IPO11: variants seen among roughly 807,000 people sequenced by gnomAD.
IPO11 encodes the protein importin-11.
In IPO11, 66 loss-of-function variants were observed where a neutral mutation model predicts 143.2. The ratio of observed to expected loss-of-function variants is 0.46; its 90% CI spans 0.38 to 0.57. The LOEUF is 0.57. Among genes scored for constraint, IPO11 ranks in the 20% least tolerant of loss-of-function variants. The probability of loss-of-function intolerance (pLI) is 0.00; values close to 1 mark genes in which losing one functional copy is unlikely to be tolerated. For synonymous variants in IPO11, 385 were observed against 377.8 expected (o/e 1.02, Z -0.22); for missense variants, 1,026 against 1,141.0 (o/e 0.90, Z 1.45).
chr5:62,505,685 C>CA (rs1741531074), intron 18 of IPO11, among the ~76,000 whole-genome samples: 1 of 151,920 alleles, frequency 6.6e-6, no homozygotes, highest in South Asian at 2.1e-4. Context: ...GAGTTCACAG[C>CA]CAGACATAGG....
intron 29 of IPO11, among the ~76,000 whole-genome samples, chr5:62,606,693 C>T (rs1337256778): frequency 2.0e-5 from 3 of 151,968 alleles, no homozygotes; most frequent in Non-Finnish European, 4.4e-5. Flanking sequence ...AAAAATTAGC[C>T]GGGCGTGGTG....
At chr5:62,420,901 T>C (rs1267473910) in intron 1 of IPO11, among the ~76,000 whole-genome samples, 1 of 152,202 alleles carries the variant, frequency 6.6e-6, no homozygotes, top group Non-Finnish European at 1.5e-5. Context: ...CCTCTGTGTG[T>C]CCTGGTCATA....
chr5:62,529,422 TTGG>T (rs1471268564), intron 21 of IPO11, among the ~76,000 whole-genome samples: 3 of 152,150 alleles, frequency 2.0e-5, no homozygotes, highest in South Asian at 2.1e-4. Flanking sequence ...TAAACTTTAC[TTGG>T]TGGGGAATTC....
At chr5:62,416,110 G>T (rs1234490256) in intron 1 of IPO11, among the ~76,000 whole-genome samples, 1 of 151,626 alleles carries the variant, frequency 6.6e-6, no homozygotes, top group African/African-American at 2.4e-5. Context: ...CCTTCTTGCT[G>T]CCTTTTCTCG....
chr5:62,585,625 T>C (rs549662889), intron 27 of IPO11, among the ~76,000 whole-genome samples: 105 of 152,274 alleles, frequency 6.9e-4, no homozygotes, highest in South Asian at 1.7e-3. Context: ...GTATAAACTT[T>C]TGCTTTAAAG....
intron 21 of IPO11, among the ~76,000 whole-genome samples, chr5:62,529,610 T>C (rs903583559): frequency 3.3e-5 from 5 of 152,232 alleles, no homozygotes; most frequent in African/African-American, 9.6e-5. Flanking sequence ...TTTTGTGATA[T>C]ATAACAATCT....
chr5:62,611,629 A>T (rs903148605), intron 29 of IPO11, among the ~76,000 whole-genome samples: 2 of 152,164 alleles, frequency 1.3e-5, no homozygotes, highest in African/African-American at 4.8e-5. Flanking sequence ...TGTTACTAAA[A>T]ACCTTAATTG....
At chr5:62,450,987 T>C (rs1379550446) in intron 4 of IPO11, among the ~76,000 whole-genome samples, 1 of 152,206 alleles carries the variant, frequency 6.6e-6, no homozygotes, top group Admixed American at 6.5e-5. Context: ...ACAAAGGAGC[T>C]GAAGCATAAT....
chr5:62,575,585 C>T (rs1744287825), intron 27 of IPO11, among the ~76,000 whole-genome samples: 1 of 152,120 alleles, frequency 6.6e-6, no homozygotes, highest in African/African-American at 2.4e-5. Flanking sequence ...CCCACCTCCC[C>T]CAGCAGAATA....
chr5:62,490,697 A>C (rs1290055485), intron 15 of IPO11, among the ~76,000 whole-genome samples: 1 of 152,212 alleles, frequency 6.6e-6, no homozygotes, highest in Non-Finnish European at 1.5e-5. Context: ...ACAGATTCAT[A>C]TTACATTTAG....
chr5:62,569,554 C>T (rs1232026607), intron 27 of IPO11, among the ~76,000 whole-genome samples: 5 of 152,140 alleles, frequency 3.3e-5, no homozygotes, highest in African/African-American at 1.2e-4. Flanking sequence ...GATTTCTAAC[C>T]TAGTTTCCAT....
chr5:62,430,137 A>G (rs247245), intron 1 of IPO11, among the ~76,000 whole-genome samples: 43,674 of 152,140 alleles, frequency 0.29, 6,993 homozygotes, highest in East Asian at 0.46. Context: ...ATAATGTTGC[A>G]GTGAATATCT....
intron 1 of IPO11, among the ~76,000 whole-genome samples, chr5:62,415,591 C>G (rs1743265227): frequency 6.6e-6 from 1 of 151,730 alleles, no homozygotes; most frequent in Non-Finnish European, 1.5e-5. Context: ...GCCTCAGCCT[C>G]CTGAGTAGCT....
intron 25 of IPO11, 67 bp downstream of exon 25, chr5:62,550,529 TAGATACA>T: frequency 1.9e-6 from 2 of 1,041,692 alleles, no homozygotes; most frequent in Non-Finnish European, 2.8e-6. Context: ...ATTACTCTGT[TAGATACA>T]GAAGGAAAGC....
intron 26 of IPO11, among the ~76,000 whole-genome samples, chr5:62,556,787 A>G (rs59024709): frequency 6.6e-6 from 1 of 152,012 alleles, no homozygotes; most frequent in Non-Finnish European, 1.5e-5. Context: ...ATTACTTCTC[A>G]TTGTCCTTTA....
intron 20 of IPO11, among the ~76,000 whole-genome samples, chr5:62,517,413 G>A (rs375063718): frequency 1.3e-5 from 2 of 151,854 alleles, no homozygotes; most frequent in Admixed American, 6.6e-5. Context: ...TTTTGTTTTC[G>A]TTTTTTGAGA....
chr5:62,489,444 A>C, intron 14 of IPO11, 95 bp downstream of exon 14: 1 of 751,912 alleles, frequency 1.3e-6, no homozygotes, highest in Non-Finnish European at 2.1e-6. Flanking sequence ...GTTGAGATAC[A>C]AGAGTAACTA....
chr5:62,627,002 T>C (rs545894372), intron 29 of IPO11, 152 bp from the exon 30 acceptor site: 10 of 518,488 alleles, frequency 1.9e-5, no homozygotes, highest in Middle Eastern at 5.3e-4. Context: ...GACAGATTTT[T>C]CCACCATGAG....
chr5:62,604,954 T>C (rs1353933273), intron 29 of IPO11, among the ~76,000 whole-genome samples: 1 of 152,206 alleles, frequency 6.6e-6, no homozygotes, highest in African/African-American at 2.4e-5. Flanking sequence ...AGTAATTACG[T>C]CAATCTTGAA....
Sources: allele counts gnomAD v4.1 joint callset (sites outside exome capture counted in the v4.1 genomes callset), GRCh38; gene constraint gnomAD v4.1.1; transcripts MANE v1.5; gene names NCBI Gene and HGNC (gene_info 2026-07-23, HGNC 2026-07-21).